The following INF2 variants were observed in gnomAD, a reference collection of about 807,000 sequenced individuals.
INF2 encodes inverted formin 2, also known as inverted formin-2.
In INF2, 43 loss-of-function variants were observed where a neutral mutation model predicts 123.5. The observed-to-expected ratio is 0.35, with a 90% CI of 0.27 to 0.45. The LOEUF is 0.45. INF2 is among the 20% of genes least tolerant of loss of function. INF2 has a pLI of 1.00. For missense variants in INF2, 1,453 were observed against 1,682.7 expected (o/e 0.86, Z 2.39); for synonymous variants, 851 against 745.0 (o/e 1.14, Z -2.32).
At chr14:104,704,057 G>A in intron 5 of INF2, 108 bp downstream of exon 5, 2 of 1,573,052 alleles carry the variant, frequency 1.3e-6, no homozygotes, top group South Asian at 2.3e-5. Context: ...CCTCCAGATG[G>A]CAGGGAGGTG....
intron 22 of INF2, among the ~76,000 whole-genome samples, chr14:104,717,304 C>T (rs4983537): frequency 0.16 from 21,601 of 133,324 alleles, 2,527 homozygotes; most frequent in Non-Finnish European, 0.22. Context: ...GTCCCCCCCC[C>T]GGGCAGGGCG....
intron 1 of INF2, among the ~76,000 whole-genome samples, chr14:104,697,408 T>TCC (rs1481305129): frequency 6.6e-6 from 1 of 152,260 alleles, no homozygotes; most frequent in Admixed American, 6.5e-5. Flanking sequence ...CCAGCTACTC[T>TCC]CCACAGCTCG....
intron 1 of INF2, chr14:104,690,196 C>T (rs1009275368): frequency 8.5e-5 from 13 of 152,364 alleles, no homozygotes; most frequent in Admixed American, 7.8e-4. Context: ...GCTGCCCACG[C>T]GCAGGTGGGC....
At chr14:104,710,876 C>T (rs940516946) in intron 13 of INF2, 61 bp from the exon 14 acceptor site, 19 of 1,476,878 alleles carry the variant, frequency 1.3e-5, no homozygotes, top group African/African-American at 5.6e-5. Flanking sequence ...CACACCCCAC[C>T]GCCAGGGCAT....
chr14:104,711,396 C>T (rs550737943), intron 15 of INF2, among the ~76,000 whole-genome samples: 8 of 152,254 alleles, frequency 5.3e-5, no homozygotes, highest in East Asian at 1.9e-4. Context: ...CTCCCCTGCA[C>T]GAGCCTTGTC....
chr14:104,707,699 C>A lies in INF2; in HGVS notation c.1432C>A (p.Pro478Thr). Residue 478 changes from proline to threonine, a missense_variant, in exon 8 of 23, where the codon CCA becomes ACA. Transcript: ENST00000392634. ...AMAPPAPPLP[P>T]PLPGSCEFLP... Reference sequence around the variant, plus strand: ...GGCCCCCCCAGCACCTCCTCTACCACCACCCCTGCCAGGCTCCTGTGAGTT... The same window carrying A: ...GGCCCCCCCAGCACCTCCTCTACCAACACCCCTGCCAGGCTCCTGTGAGTT... 1.7e-6 allele frequency: 2 copies of A among 1,167,130 alleles called. No homozygotes were observed. Among genetic ancestry groups the A allele is most frequent in the Non-Finnish European group, 2.4e-6 (2 of 818,836 alleles). 72.3% of individuals were successfully genotyped at this position (1,167,130 alleles called of 1,614,324 possible).
At position 104,720,333 on chromosome 14, in the gene INF2, CGTA is replaced by C; in HGVS notation, c.*1543_*1545del. 1 of 175,584 alleles carries C rather than the reference CGTA, an allele frequency of 5.7e-6. No individual in the cohort carries two copies. The highest frequency in any genetic ancestry group is 1.1e-4 in the South Asian group (1 of 9,428). The allele number at this position is 175,584 out of a possible 1,614,324, so 10.9% of individuals were successfully genotyped here. On this transcript the variant is annotated 3_prime_UTR_variant, in exon 23 of 23. Transcript: ENST00000392634. ...TGAATCCTGCTGCTGTGGACATTTG[CGTA>C]GTCCTCGTGTGGATGCTGCTGTGGA...
intron 2 of INF2, 102 bp from the exon 3 acceptor site, chr14:104,703,003 G>C (rs1190285063): frequency 2.2e-6 from 2 of 917,000 alleles, no homozygotes; most frequent in African/African-American, 3.3e-5. Context: ...GCACCCCCTG[G>C]CGTCTGCCTG....
At chr14:104,714,085 G>A in intron 20 of INF2, 118 bp from the exon 21 acceptor site, 7 of 879,356 alleles carry the variant, frequency 8.0e-6, no homozygotes, top group Non-Finnish European at 1.2e-5. Context: ...ATCAGAGGAG[G>A]CTTTCTGGGG....
intron 1 of INF2, among the ~76,000 whole-genome samples, chr14:104,696,588 A>G (rs1889203663): frequency 6.6e-6 from 1 of 152,138 alleles, no homozygotes; most frequent in Non-Finnish European, 1.5e-5. Flanking sequence ...AGGGAGGGGA[A>G]TGGGGGTCAT....
chr14:104,703,855 G>A (rs1889650661), intron 4 of INF2, 61 bp from the exon 5 acceptor site: 4 of 1,608,634 alleles, frequency 2.5e-6, no homozygotes, highest in Non-Finnish European at 3.4e-6. Context: ...GGTGGCAGAA[G>A]TGAAATGGGG....
intron 22 of INF2, chr14:104,715,596 G>C: frequency 1.7e-6 from 1 of 603,450 alleles, no homozygotes. Context: ...GGGCATGCGG[G>C]CCTCGAGAGG....
chr14:104,707,494 G>T lies in INF2; in HGVS notation c.1227G>T (p.Ser409=), dbSNP rs3809455. 74,654 of 1,548,500 alleles carry T rather than the reference G, an allele frequency of 0.048. 2,401 individuals are homozygous for T. Among genetic ancestry groups the T allele is most frequent in the South Asian group, 0.12 (10,260 of 84,032 alleles). ...HAQSESILKV[S]QPRALEQQAS... The stretch of plus-strand genomic sequence containing the variant: ...AGAGTGAGAGCATCCTGAAAGTTTC[G>T]CAGCCCAGAGCCCTGGAGCAGCAGG... The change falls in exon 8 of 23, where the codon TCG becomes TCT. Residue 409 remains serine (S), a synonymous_variant. Coordinates refer to ENST00000392634, the MANE Select transcript of INF2 (RefSeq NM_022489.4).
intron 12 of INF2, among the ~76,000 whole-genome samples, 153 bp downstream of exon 12, chr14:104,709,858 A>G (rs1889962226): frequency 1.3e-5 from 2 of 151,478 alleles, no homozygotes; most frequent in South Asian, 4.2e-4. Flanking sequence ...GCTTCTAAAC[A>G]TCACTCGAGC....
In INF2 at chr14:104,707,062, G is replaced by A. The variant is rs766265171; in HGVS notation, c.985+11G>A. The A allele has an allele frequency of 1.7e-5, 26 of 1,570,914 alleles. No homozygotes were observed. Among genetic ancestry groups the A allele is most frequent in the South Asian group, 5.8e-5 (5 of 86,904 alleles). On this transcript the variant is annotated intron_variant, in intron 7 of 22. Transcript: ENST00000392634. ...TCCTGGCCAGCGATGGTGAGGGGGC[G>A]GGGCAGGGGCGTAGGCACAGCCTGG...
chr14:104,715,112 C>T (rs948996577), intron 21 of INF2, among the ~76,000 whole-genome samples, 172 bp from the exon 22 acceptor site: 19 of 152,228 alleles, frequency 1.2e-4, no homozygotes, highest in Non-Finnish European at 2.2e-4. Context: ...GGGCGGACAC[C>T]GGGCACCAGG....
chr14:104,683,822 C>G (rs1329739203), intron 1 of INF2, among the ~76,000 whole-genome samples: 1 of 152,186 alleles, frequency 6.6e-6, no homozygotes. Flanking sequence ...GCCCTCTCCC[C>G]CTCTCCCCTT....
chr14:104,721,911 T>C lies in INF2; in HGVS notation c.*3118T>C, dbSNP rs930169016. ...GAGGCTCCGTGGCTGCACGCGTGTA[T>C]GCAGGTGGCTGTGGGTGTCTGTGTG... On this transcript the variant is annotated 3_prime_UTR_variant, in exon 23 of 23. Transcript: ENST00000392634. 1 of 152,286 alleles carries C rather than the reference T, an allele frequency of 6.6e-6. No individual in the cohort carries two copies. Among genetic ancestry groups the C allele is most frequent in the Non-Finnish European group, 1.5e-5 (1 of 68,120 alleles). The allele number at this position is 152,286 out of a possible 1,614,324, so 9.4% of individuals were successfully genotyped here. A position where few individuals can be genotyped will look rare whatever the true frequency, so the allele number is the denominator to read the frequency against.
In INF2 at chr14:104,702,797, G is replaced by A. The variant is rs867240982; in HGVS notation, c.392-308G>A. On this transcript the variant is annotated intron_variant, in intron 2 of 22. Transcript: ENST00000392634. ...GGCAGGGGTTCATAGGAATGAGGTT[G>A]TGTCTGCCATAAACACAGTAAGTGC... Among the ~76,000 whole-genome samples the A allele has an allele frequency of 2.6e-5, 4 of 152,338 alleles. No individual in the cohort carries two copies. In the East Asian group the frequency reaches 5.8e-4, roughly 22 times the overall value.
Sources: gnomAD v4.1 joint callset for allele counts (sites outside exome capture counted in the v4.1 genomes callset) on GRCh38, gnomAD v4.1.1 for gene constraint, MANE v1.5 for transcripts, NCBI Gene and HGNC (gene_info 2026-07-23, HGNC 2026-07-21) for gene names.